SLC29A3: variants seen among roughly 807,000 people sequenced by gnomAD.
The protein encoded by SLC29A3 is solute carrier family 29 member 3.
A neutral mutation model predicts 25.4 loss-of-function variants in SLC29A3; 18 were observed. The ratio of observed to expected loss-of-function variants is 0.71; its 90% confidence interval spans 0.49 to 1.05. The LOEUF (loss-of-function observed/expected upper bound fraction) is 1.05. Among genes scored for constraint, SLC29A3 ranks in the 50% least tolerant of loss-of-function variants. SLC29A3 has a pLI of 0.00. For synonymous variants in SLC29A3, 258 were observed against 267.1 expected (o/e 0.97, Z 0.33); for missense variants, 586 against 609.0 (o/e 0.96, Z 0.40).
chr10:71,351,560 AG>A lies in SLC29A3; in HGVS notation c.385del. The A allele has an allele frequency of 1.2e-6, 2 of 1,613,856 alleles. No homozygotes were observed. Among genetic ancestry groups the A allele is most frequent in the Non-Finnish European group, 1.7e-6 (2 of 1,179,714 alleles). ...TAACTGCTTCTGGCATCCTCGCCCC[AG>A]GGTTGCAGTCCACATCCGTGTCCTG... On this transcript the variant is annotated splice_acceptor_variant, in intron 3 of 5. Coordinates refer to ENST00000373189, the MANE Select transcript of SLC29A3 (RefSeq NM_018344.6). LOFTEE classifies it high-confidence loss of function.
chr10:71,327,346 A>G lies in SLC29A3; in HGVS notation c.300+4292A>G, dbSNP rs72810338. Among the ~76,000 whole-genome samples, 380 of 152,306 alleles carry G rather than the reference A, an allele frequency of 2.5e-3. 1 individual carries two copies. The highest frequency in any genetic ancestry group is 3.4e-3 in the Non-Finnish European group (233 of 68,024). On this transcript the variant is annotated intron_variant, in intron 2 of 5. Transcript: ENST00000373189. ...CTATTCTCTGGAATAAGAACCTCCA[A>G]TAAATATATCACAGGTGTATTGGCC...
intron 2 of SLC29A3, among the ~76,000 whole-genome samples, chr10:71,327,545 T>G (rs922015723): frequency 2.0e-5 from 3 of 152,160 alleles, no homozygotes; most frequent in Non-Finnish European, 4.4e-5. Flanking sequence ...ACCATTTTCT[T>G]AAGACAAAAA....
chr10:71,361,870 T>TTCTG, intron 5 of SLC29A3, 84 bp from the exon 6 acceptor site: 1 of 1,535,340 alleles, frequency 6.5e-7, no homozygotes. Context: ...GGCTGGAAGG[T>TTCTG]TCTGTTCTGA....
At chr10:71,320,635 G>A (rs1845827568) in intron 1 of SLC29A3, among the ~76,000 whole-genome samples, 1 of 152,214 alleles carries the variant, frequency 6.6e-6, no homozygotes, top group Non-Finnish European at 1.5e-5. Flanking sequence ...AGGCTGGGGA[G>A]GGGCTCTGCT....
At chr10:71,363,808 CTTTTCTTT>C (rs1166630147), downstream of SLC29A3, among the ~76,000 whole-genome samples, 53 of 103,728 alleles carry the variant, frequency 5.1e-4, 11 homozygotes, top group East Asian at 2.9e-4. Context: ...TTTCCTTTTT[CTTTTCTTT>C]TTTTTTTTTT....
rs568282427 is a variant in SLC29A3, at chr10:71,334,339, A to G, written c.301-9870A>G. 2.9e-4 allele frequency among the ~76,000 whole-genome samples: 44 copies of G among 152,376 alleles called. No individual in the cohort carries two copies. In the South Asian group the frequency reaches 9.1e-3, roughly 32 times the overall value. ...AGGCCGACCGCGTTCCAGTGTTCAC[A>G]CAAAGGAAGAGGGCAGATTTGGCCC... On this transcript the variant is annotated intron_variant, in intron 2 of 5. Transcript: ENST00000373189.
chr10:71,330,069 C>A (rs984900712), intron 2 of SLC29A3, among the ~76,000 whole-genome samples: 1 of 152,218 alleles, frequency 6.6e-6, no homozygotes, highest in African/African-American at 2.4e-5. Flanking sequence ...ATGCTCTGGG[C>A]TTGAGCTCCA....
chr10:71,348,333 A>C (rs1039395293), intron 3 of SLC29A3, among the ~76,000 whole-genome samples: 1 of 152,102 alleles, frequency 6.6e-6, no homozygotes, highest in African/African-American at 2.4e-5. Flanking sequence ...CTCCACTTGA[A>C]TTTTTTCAGA....
At chr10:71,323,197 G>T (rs1845893235) in intron 2 of SLC29A3, 143 bp downstream of exon 2, 3 of 1,115,674 alleles carry the variant, frequency 2.7e-6, no homozygotes, top group Non-Finnish European at 3.9e-6. Flanking sequence ...GCAAATTATG[G>T]TTCCATGTGG....
At chr10:71,347,859 C>T (rs1193514967) in intron 3 of SLC29A3, among the ~76,000 whole-genome samples, 1 of 152,180 alleles carries the variant, frequency 6.6e-6, no homozygotes, top group Non-Finnish European at 1.5e-5. Context: ...AGCAGTCCCC[C>T]AGCTCTCTGC....
rs760751582 is a variant in SLC29A3, at chr10:71,356,180, C to T, written c.710C>T (p.Ala237Val). 1.2e-6 allele frequency: 2 copies of T among 1,614,152 alleles called. No individual in the cohort carries two copies. Among genetic ancestry groups the T allele is most frequent in the Admixed American group, 1.7e-5 (1 of 60,026 alleles). Reference sequence around the variant, plus strand: ...AGCGCCCTGGCCTTCTTCCTGACGGCCACTGTCTTCCTCGTGCTCTGCATG... The same window carrying T: ...AGCGCCCTGGCCTTCTTCCTGACGGTCACTGTCTTCCTCGTGCTCTGCATG... ...RNSALAFFLTATVFLVLCMGL... is the reference protein window; with the variant it reads ...RNSALAFFLTVTVFLVLCMGL... Residue 237 changes from alanine to valine, a missense_variant, in exon 5 of 6, where the codon GCC becomes GTC. Coordinates refer to ENST00000373189, the MANE Select transcript of SLC29A3 (RefSeq NM_018344.6).
intron 1 of SLC29A3, among the ~76,000 whole-genome samples, chr10:71,321,477 A>C (rs1845844843): frequency 6.6e-6 from 1 of 152,180 alleles, no homozygotes; most frequent in Non-Finnish European, 1.5e-5. Flanking sequence ...TTTTGGAGAC[A>C]TTTCTCATTT....
chr10:71,337,528 G>GC (rs1314651591), intron 2 of SLC29A3, among the ~76,000 whole-genome samples: 1 of 152,224 alleles, frequency 6.6e-6, no homozygotes, highest in Non-Finnish European at 1.5e-5. Context: ...TTCCTCGCCC[G>GC]CCCGGTAGGA....
chr10:71,332,849 C>A (rs1390002411), intron 2 of SLC29A3, among the ~76,000 whole-genome samples: 1 of 152,220 alleles, frequency 6.6e-6, no homozygotes. Context: ...GGAAAAAAGC[C>A]TAGTTTGAAA....
At position 71,351,683 on chromosome 10, in the gene SLC29A3, A is replaced by G. The variant is rs1846764786; in HGVS notation, c.505A>G (p.Ile169Val). 4 of 1,613,782 alleles carry G rather than the reference A, an allele frequency of 2.5e-6. No homozygotes were observed. Among genetic ancestry groups the G allele is most frequent in the Non-Finnish European group, 3.4e-6 (4 of 1,179,902 alleles). ...SWTRGFFAVT[I>V]VCMVILSGAS... Reference sequence around the variant, plus strand: ...GACCCGTGGCTTTTTTGCGGTCACCATTGTCTGCATGGTGATCCTCAGCGG... The same window carrying G: ...GACCCGTGGCTTTTTTGCGGTCACCGTTGTCTGCATGGTGATCCTCAGCGG... Residue 169 changes from isoleucine to valine, a missense_variant, in exon 4 of 6, where the codon ATT becomes GTT. Transcript: ENST00000373189.
chr10:71,335,191 AC>A (rs984775543), intron 2 of SLC29A3, among the ~76,000 whole-genome samples: 1 of 151,796 alleles, frequency 6.6e-6, no homozygotes, highest in Admixed American at 6.6e-5. Context: ...TTCCTTCTAC[AC>A]CCAGCACTGC....
intron 1 of SLC29A3, among the ~76,000 whole-genome samples, chr10:71,322,547 C>T (rs899819890): frequency 6.6e-6 from 1 of 152,206 alleles, no homozygotes; most frequent in African/African-American, 2.4e-5. Flanking sequence ...AGGACACTTA[C>T]AGTTCTGACA....
chr10:71,363,931 G>C (rs1239240968), downstream of SLC29A3, among the ~76,000 whole-genome samples: 3 of 151,658 alleles, frequency 2.0e-5, no homozygotes, highest in African/African-American at 7.3e-5. Context: ...AACCCCAGGG[G>C]GTTGTGCATT....
rs759622275 is a variant in SLC29A3, at chr10:71,356,108, C to T, written c.638C>T (p.Ala213Val). ...GGAGCCATGGGCGGGACGGTCAGCG[C>T]CGTGGCCTCATTGGTGGACTTGGCT... is the stretch of plus-strand genomic sequence containing the variant. The part of the protein sequence containing the change: ...SGGAMGGTVS[A>V]VASLVDLAAS... Residue 213 changes from alanine (A) to valine (V), a missense_variant, in exon 5 of 6, where the codon GCC becomes GTC. Transcript: ENST00000373189. The T allele has an allele frequency of 2.0e-5, 33 of 1,614,042 alleles. No homozygotes were observed. Among genetic ancestry groups the T allele is most frequent in the Non-Finnish European group, 2.8e-5 (33 of 1,180,060 alleles).
Sources: gnomAD v4.1 joint callset for allele counts (sites outside exome capture counted in the v4.1 genomes callset) on GRCh38, gnomAD v4.1.1 for gene constraint, MANE v1.5 for transcripts, NCBI Gene and HGNC (gene_info 2026-07-23, HGNC 2026-07-21) for gene names.